The following NCOA3 variants were observed in gnomAD, a reference collection of about 807,000 sequenced individuals.
The protein encoded by NCOA3 is nuclear receptor coactivator 3.
NCOA3 carries 51 observed loss-of-function variants against 158.8 expected under a neutral mutation model. The observed-to-expected ratio is 0.32, with a 90% CI of 0.26 to 0.41. NCOA3 has a LOEUF of 0.41. Among genes scored for constraint, NCOA3 ranks in the 10% least tolerant of loss-of-function variants. The probability of loss-of-function intolerance (pLI) is 1.00; values close to 1 mark genes in which losing one functional copy is unlikely to be tolerated. For missense variants in NCOA3, 1,510 were observed against 1,746.6 expected, an observed-to-expected ratio of 0.86 and a Z score of 2.41; for synonymous variants, 537 against 592.4, an observed-to-expected ratio of 0.91 and a Z score of 1.36.
chr20:47,551,087 A>G (rs1247787288), intron 1 of NCOA3, among the ~76,000 whole-genome samples: 1 of 152,136 alleles, frequency 6.6e-6, no homozygotes, highest in African/African-American at 2.4e-5. Flanking sequence ...GAAGAACGGA[A>G]ATTTTATATT....
intron 2 of NCOA3, among the ~76,000 whole-genome samples, chr20:47,620,678 CA>C (rs2086225629): frequency 6.6e-6 from 1 of 152,138 alleles, no homozygotes; most frequent in African/African-American, 2.4e-5. Context: ...CCTGTTACCC[CA>C]AATATTATAC....
At chr20:47,582,196 TTTAA>T (rs11467310) in intron 1 of NCOA3, among the ~76,000 whole-genome samples, 20,439 of 151,892 alleles carry the variant, frequency 0.13, 1,969 homozygotes, top group African/African-American at 0.26. Context: ...TGACTTTTAT[TTTAA>T]TTAATTAATT....
intron 1 of NCOA3, among the ~76,000 whole-genome samples, chr20:47,573,203 A>G (rs2085321190): frequency 6.6e-6 from 1 of 152,176 alleles, no homozygotes; most frequent in Admixed American, 6.5e-5. Context: ...ATTCAAGACC[A>G]GCCTGACCAA....
At chr20:47,569,484 A>C (rs528613965) in intron 1 of NCOA3, among the ~76,000 whole-genome samples, 5 of 152,052 alleles carry the variant, frequency 3.3e-5, no homozygotes, top group African/African-American at 1.2e-4. Context: ...ATTTGAGACC[A>C]GCCTGGCTAA....
chr20:47,618,185 A>T (rs2086170745), intron 2 of NCOA3, among the ~76,000 whole-genome samples: 1 of 152,120 alleles, frequency 6.6e-6, no homozygotes. Flanking sequence ...CAGTGAACTG[A>T]GATCATGCCA....
intron 1 of NCOA3, among the ~76,000 whole-genome samples, chr20:47,527,565 T>G (rs1258899100): frequency 6.6e-6 from 1 of 152,250 alleles, no homozygotes; most frequent in African/African-American, 2.4e-5. Context: ...CTATTATGAA[T>G]AGAGCCGCTG....
chr20:47,617,812 T>A (rs1425837728), intron 2 of NCOA3, among the ~76,000 whole-genome samples: 1 of 152,236 alleles, frequency 6.6e-6, no homozygotes, highest in East Asian at 1.9e-4. Flanking sequence ...TCTACTTTGC[T>A]TTTTGTTATA....
intron 1 of NCOA3, among the ~76,000 whole-genome samples, chr20:47,560,064 G>A (rs1370987586): frequency 6.6e-6 from 1 of 152,114 alleles, no homozygotes; most frequent in Non-Finnish European, 1.5e-5. Flanking sequence ...GGAATTACAG[G>A]AGTGAGCCAC....
At chr20:47,620,016 G>A (rs1449621024) in intron 2 of NCOA3, among the ~76,000 whole-genome samples, 1 of 152,042 alleles carries the variant, frequency 6.6e-6, no homozygotes. Context: ...GGCTGGTCTC[G>A]ATCTCCTGAC....
intron 17 of NCOA3, among the ~76,000 whole-genome samples, chr20:47,643,806 A>C (rs2086647295): frequency 6.6e-6 from 1 of 151,490 alleles, no homozygotes; most frequent in South Asian, 2.1e-4. Context: ...CTAGGTTTAA[A>C]ATAATTATAT....
intron 1 of NCOA3, among the ~76,000 whole-genome samples, chr20:47,502,702 C>CTTTT (rs3083969): frequency 1.4e-5 from 2 of 139,326 alleles, no homozygotes; most frequent in Non-Finnish European, 1.5e-5. Flanking sequence ...TTTATTACTA[C>CTTTT]TTTTTTTTTT....
rs1205133740 is a variant in NCOA3 at position 47,636,051 on chromosome 20, T to C, written c.1665T>C (p.Asn555=). The C allele has an allele frequency of 6.2e-7, 1 of 1,614,160 alleles. No homozygotes were observed. The highest frequency in any genetic ancestry group is 2.2e-5 in the East Asian group (1 of 44,880). ...AATTGGATAACTCTCCCAATATGAATATTACCCAACCAAGTAAAGTAAGCA... is the reference window on the plus strand; with the variant it reads ...AATTGGATAACTCTCCCAATATGAACATTACCCAACCAAGTAAAGTAAGCA... ...GPKLDNSPNM[N]ITQPSKVSNQ... is the part of the protein sequence containing the mutation. The change falls in exon 12 of 23, where the codon AAT becomes AAC. Residue 555 remains asparagine, a synonymous_variant. Transcript: ENST00000371998.
At chr20:47,547,861 G>A (rs984272751) in intron 1 of NCOA3, among the ~76,000 whole-genome samples, 3 of 151,920 alleles carry the variant, frequency 2.0e-5, no homozygotes, top group African/African-American at 7.3e-5. Context: ...GATTACAGGC[G>A]CCTGCCACCA....
chr20:47,637,923 A>G, intron 13 of NCOA3, 140 bp downstream of exon 13: 1 of 741,804 alleles, frequency 1.3e-6, no homozygotes, highest in Non-Finnish European at 2.0e-6. Context: ...TTTCTATACT[A>G]ATTTATATGT....
At chr20:47,503,944 A>G (rs1047653037) in intron 1 of NCOA3, among the ~76,000 whole-genome samples, 2 of 152,204 alleles carry the variant, frequency 1.3e-5, no homozygotes, top group Non-Finnish European at 2.9e-5. Context: ...CAGCATTTGA[A>G]ATAAGAGGCA....
intron 1 of NCOA3, among the ~76,000 whole-genome samples, chr20:47,534,918 C>CT (rs902141620): frequency 1.3e-4 from 19 of 146,972 alleles, no homozygotes; most frequent in African/African-American, 2.2e-4. Flanking sequence ...CCATCTCTCT[C>CT]TTTTTTTTTT....
intron 1 of NCOA3, among the ~76,000 whole-genome samples, chr20:47,579,761 T>A (rs777311052): frequency 6.6e-6 from 1 of 152,186 alleles, no homozygotes; most frequent in African/African-American, 2.4e-5. Context: ...GTGTATGCAA[T>A]GGAAAGCTGA....
intron 1 of NCOA3, among the ~76,000 whole-genome samples, chr20:47,551,639 TTTGACAG>T (rs1433405841): frequency 6.6e-6 from 1 of 152,228 alleles, no homozygotes; most frequent in Non-Finnish European, 1.5e-5. Flanking sequence ...AATGTTTCTT[TTTGACAG>T]TGATTAAAAG....
chr20:47,554,695 A>G (rs1351106968), intron 1 of NCOA3, among the ~76,000 whole-genome samples: 1 of 152,100 alleles, frequency 6.6e-6, no homozygotes, highest in Non-Finnish European at 1.5e-5. Context: ...CCACTGCTCA[A>G]TGAAATAAAA....
Sources: allele counts gnomAD v4.1 joint callset (sites outside exome capture counted in the v4.1 genomes callset), GRCh38; gene constraint gnomAD v4.1.1; transcripts MANE v1.5; gene names NCBI Gene and HGNC (gene_info 2026-07-23, HGNC 2026-07-21).